The following ADCY6 variants were observed in gnomAD, a reference collection of about 807,000 sequenced individuals.
The protein encoded by ADCY6 is adenylate cyclase 6.
Under a neutral mutation model 111.6 loss-of-function variants are expected in ADCY6, and 59 were observed. The observed-to-expected ratio is 0.53, with a 90% CI of 0.43 to 0.66. The LOEUF (loss-of-function observed/expected upper bound fraction) is 0.66, where lower values mean the gene tolerates loss of function less well. Among genes scored for constraint, ADCY6 ranks in the 30% least tolerant of loss-of-function variants. The pLI is 0.00. For missense variants in ADCY6, 1,242 were observed against 1,595.6 expected (o/e 0.78, Z 3.78); for synonymous variants, 576 against 642.9 (o/e 0.90, Z 1.57).
At position 48,773,607 on chromosome 12, in the gene ADCY6, G is replaced by A; in HGVS notation, c.2483C>T (p.Ser828Phe). Residue 828 changes from serine to phenylalanine, a missense_variant, in exon 16 of 22, where the codon TCT (serine) becomes TTT (phenylalanine). Ser to Phe is a radical substitution (Grantham distance 155). This residue lies in a region of ADCY6 where 375 missense variants were observed against 432.5 expected (regional missense o/e 0.87). Transcript: ENST00000357869. Reference sequence around the variant, plus strand: ...GATGCTGCTGATGTGCAGGAAGACAGAGCTGGCCAAGAGACTCAGCAGCAT... The same window carrying A: ...GATGCTGCTGATGTGCAGGAAGACAAAGCTGGCCAAGAGACTCAGCAGCAT... ...GNMLLSLLAS[S>F]VFLHISSIGK... 6.2e-7 allele frequency: 1 copy of A among 1,614,154 alleles called. No individual in the cohort carries two copies. The highest frequency in any genetic ancestry group is 1.1e-5 in the South Asian group (1 of 91,078).
intron 2 of ADCY6, among the ~76,000 whole-genome samples, chr12:48,781,686 T>C (rs568387512): frequency 1.3e-5 from 2 of 152,326 alleles, no homozygotes; most frequent in African/African-American, 4.8e-5. Flanking sequence ...CTATTTTTAT[T>C]CCAGCTTTGC....
chr12:48,772,584 T>C (rs1565644575), intron 16 of ADCY6, 41 bp from the exon 17 acceptor site: 2 of 1,612,546 alleles, frequency 1.2e-6, no homozygotes, highest in South Asian at 1.1e-5. Context: ...CAGTGCTTCC[T>C]GGATTGCTGG....
In ADCY6 at chr12:48,774,405, G is replaced by C. The variant is rs1367696913; in HGVS notation, c.2280C>G (p.Asn760Lys). The change falls in exon 14 of 22, where the codon AAC (asparagine) becomes AAG (lysine). Residue 760 changes from asparagine to lysine, a missense_variant. By Grantham distance (94) the Asn-to-Lys change is moderately conservative. Around this residue, in one of 4 missense-constraint regions of ADCY6, gnomAD observed 375 missense variants for 432.5 expected, o/e 0.87. Transcript: ENST00000357869. ...AGAATTCCCACTGGACCCTTACCAT[G>C]TTGGCAATGGCAGAAGTAAACACAA... The part of the protein sequence containing the change: ...VLLVFTSAIA[N>K]MFTCNHTPIR... 3.1e-6 allele frequency: 5 copies of C among 1,612,146 alleles called. No individual in the cohort carries two copies. The highest frequency in any genetic ancestry group is 4.2e-6 in the Non-Finnish European group (5 of 1,178,306).
In ADCY6 at chr12:48,777,670, T is replaced by G; in HGVS notation, c.1081A>C (p.Lys361Gln). ...AMEMKEDINT[K>Q]KEDMMFHKIY... ...TTGTGGAACATCATGTCTTCTTTTT[T>G]TGTGTTGATGTCTTCTTTCATCTCC... Residue 361 changes from lysine (K) to glutamine (Q), a missense_variant, in exon 4 of 22, where the codon AAA becomes CAA. This residue lies in a region of ADCY6 where 260 missense variants were observed against 414.6 expected (regional missense o/e 0.63). Transcript: ENST00000357869. The surrounding 1 kb of genome is among the most constrained non-coding windows in gnomAD (Gnocchi z 4.9). 1 of 1,613,930 alleles carries G rather than the reference T, an allele frequency of 6.2e-7. No individual in the cohort carries two copies. Among genetic ancestry groups the G allele is most frequent in the South Asian group, 1.1e-5 (1 of 91,080 alleles).
In ADCY6 at chr12:48,777,257, G is replaced by A. The variant is rs1392337168; in HGVS notation, c.1249-26C>T. 1 of 1,606,982 alleles carries A rather than the reference G, an allele frequency of 6.2e-7. No individual in the cohort carries two copies. The highest frequency in any genetic ancestry group is 8.5e-7 in the Non-Finnish European group (1 of 1,176,634). ...CTGAATGGGAAGGAATTGGAGGGAA[G>A]GGTAACCTTTACTCTCTTGCCCACC... On this transcript the variant is annotated intron_variant, in intron 5 of 21. Coordinates refer to ENST00000357869, the MANE Select transcript of ADCY6 (RefSeq NM_015270.5). The surrounding 1 kb of genome is among the most constrained non-coding windows in gnomAD (Gnocchi z 4.9).
chr12:48,768,823 C>A, intron 21 of ADCY6, 107 bp from the exon 22 acceptor site: 1 of 1,553,568 alleles, frequency 6.4e-7, no homozygotes, highest in East Asian at 2.3e-5. Flanking sequence ...CAGTCCCTGC[C>A]CCACCATACA....
At chr12:48,779,822 A>G (rs1941797451) in intron 2 of ADCY6, among the ~76,000 whole-genome samples, 1 of 152,210 alleles carries the variant, frequency 6.6e-6, no homozygotes, top group South Asian at 2.1e-4. Context: ...AACTAGAACT[A>G]GTCCTGCAAA....
At position 48,770,893 on chromosome 12, in the gene ADCY6, C is replaced by T. The variant is rs971716335; in HGVS notation, c.3129G>A (p.Leu1043=). Reference sequence around the variant, plus strand: ...CCACCTGATCGTAGGTGCTGGCGTTCAGCCCTGAGGCAGCCATGTAGGTGC... The same window carrying T: ...CCACCTGATCGTAGGTGCTGGCGTTTAGCCCTGAGGCAGCCATGTAGGTGC... The part of the protein sequence containing the change: ...IGSTYMAASG[L]NASTYDQVGR... Residue 1043 remains leucine, a synonymous_variant, in exon 20 of 22, where the codon CTG becomes CTA. Coordinates refer to ENST00000357869, the MANE Select transcript of ADCY6 (RefSeq NM_015270.5). 1 of 1,614,142 alleles carries T rather than the reference C, an allele frequency of 6.2e-7. No individual in the cohort carries two copies. The highest frequency in any genetic ancestry group is 1.3e-5 in the African/African-American group (1 of 74,938).
At position 48,782,473 on chromosome 12, in the gene ADCY6, C is replaced by T. The variant is rs903328350; in HGVS notation, c.864+98G>A. The T allele has an allele frequency of 3.0e-5, 44 of 1,482,006 alleles. No individual in the cohort carries two copies. Among genetic ancestry groups the T allele is most frequent in the Admixed American group, 2.2e-4 (9 of 41,812 alleles). 91.8% of individuals were successfully genotyped at this position (1,482,006 alleles called of 1,614,324 possible). A position where few individuals can be genotyped will look rare whatever the true frequency, so the allele number is the denominator to read the frequency against. ...GACATCCCTGCACCCAGCTTCCACCCATGACTCACCCGCCCTTCCTCACTA... is the reference window on the plus strand; with the variant it reads ...GACATCCCTGCACCCAGCTTCCACCTATGACTCACCCGCCCTTCCTCACTA... On this transcript the variant is annotated intron_variant, in intron 2 of 21. Transcript: ENST00000357869. This position sits in a 1 kb window ranked among gnomAD's most constrained non-coding sequence, Gnocchi z 4.3.
rs1294829673 is a variant in ADCY6, at chr12:48,776,774, T to C, written c.1377-188A>G. Among the ~76,000 whole-genome samples the C allele has an allele frequency of 6.6e-6, 1 of 152,120 alleles. No homozygotes were observed. Among genetic ancestry groups the C allele is most frequent in the African/African-American group, 2.4e-5 (1 of 41,420 alleles). ...CTCAAGGACAAATGTTAAGGCTGTG[T>C]TCAACAGCAGGGGCCCAGCAGCATC... On this transcript the variant is annotated intron_variant, in intron 6 of 21. Transcript: ENST00000357869. The surrounding 1 kb of genome is among the most constrained non-coding windows in gnomAD (Gnocchi z 6.1).
rs140245629 is a variant in ADCY6 at position 48,770,948 on chromosome 12, C to G, written c.3074G>C (p.Arg1025Pro). The change falls in exon 20 of 22, where the codon CGG becomes CCG. Residue 1025 changes from arginine (R) to proline (P), a missense_variant. Around this residue, in one of 4 missense-constraint regions of ADCY6, gnomAD observed 245 missense variants for 371.3 expected, o/e 0.66. Coordinates refer to ENST00000357869, the MANE Select transcript of ADCY6 (RefSeq NM_015270.5). ...FDEIISEERF[R>P]QLEKIKTIGS... The stretch of plus-strand genomic sequence containing the variant: ...AATCGTCTTGATCTTTTCCAGCTGC[C>G]GGAACCGCTCCTCGCTGATAATCTG... 13 of 1,613,992 alleles carry G rather than the reference C, an allele frequency of 8.1e-6. No homozygotes were observed. Among genetic ancestry groups the G allele is most frequent in the Non-Finnish European group, 8.5e-7 (1 of 1,180,038 alleles).
At chr12:48,773,903 G>A (rs1941622313) in intron 15 of ADCY6, 37 bp downstream of exon 15, 2 of 1,607,160 alleles carry the variant, frequency 1.2e-6, no homozygotes, top group Admixed American at 1.7e-5. Context: ...GTCTGTGCCA[G>A]GACAGCCCCC....
At position 48,769,244 on chromosome 12, in the gene ADCY6, C is replaced by CA. The variant is rs370839871; in HGVS notation, c.3257-184dup. On this transcript the variant is annotated intron_variant, in intron 20 of 21. Coordinates refer to ENST00000357869, the MANE Select transcript of ADCY6 (RefSeq NM_015270.5). ...CCAACATGGTGAAACCCTATCTTTA[C>CA]AAAAAAAAAATACAAAAATTAGCTG... is the stretch of plus-strand genomic sequence containing the variant. Among the ~76,000 whole-genome samples the CA allele has an allele frequency of 7.0e-4, 102 of 146,462 alleles. 1 individual carries two copies. Among genetic ancestry groups the CA allele is most frequent in the African/African-American group, 2.1e-3 (83 of 40,016 alleles).
chr12:48,768,709 G>A lies in ADCY6; in HGVS notation c.3389C>T (p.Thr1130Met), dbSNP rs757906062. 11 of 1,613,982 alleles carry A rather than the reference G, an allele frequency of 6.8e-6. No homozygotes were observed. Among genetic ancestry groups the A allele is most frequent in the South Asian group, 2.2e-5 (2 of 91,072 alleles). ...GGCAGCTAGAACCTGGTACAGGTCC[G>A]TGGTCACCTGGGGGAGTGGGAGGGG... ...TGVPDRIQVT[T>M]DLYQVLAAKG... The change falls in exon 22 of 22, where the codon ACG becomes ATG. Residue 1130 changes from threonine to methionine, a missense_variant. By Grantham distance (81) the Thr-to-Met change is moderately conservative. Coordinates refer to ENST00000357869, the MANE Select transcript of ADCY6 (RefSeq NM_015270.5).
chr12:48,777,059 G>A lies in ADCY6; in HGVS notation c.1376+45C>T, dbSNP rs895567516. 5.2e-6 allele frequency: 8 copies of A among 1,543,606 alleles called. No homozygotes were observed. Among genetic ancestry groups the A allele is most frequent in the Non-Finnish European group, 7.0e-6 (8 of 1,143,926 alleles). On this transcript the variant is annotated intron_variant, in intron 6 of 21. Transcript: ENST00000357869. The surrounding 1 kb of genome is among the most constrained non-coding windows in gnomAD (Gnocchi z 4.9). ...CTCATCAAAAAGTAGGAGCAGTCTGGGGCACCCGCAATTCCAGGAAGCCTA... is the reference window on the plus strand; with the variant it reads ...CTCATCAAAAAGTAGGAGCAGTCTGAGGCACCCGCAATTCCAGGAAGCCTA...
At chr12:48,789,102 G>A (rs1942038683), upstream of ADCY6, 1 of 151,454 alleles carries the variant, frequency 6.6e-6, no homozygotes, top group Admixed American at 6.6e-5. Flanking sequence ...CCCGGATCCA[G>A]AAGTCCCCTC....
chr12:48,768,513 C>T lies in ADCY6; in HGVS notation c.*78G>A. 6.2e-7 allele frequency: 1 copy of T among 1,606,602 alleles called. No homozygotes were observed. The highest frequency in any genetic ancestry group is 8.5e-7 in the Non-Finnish European group (1 of 1,173,834). Reference sequence around the variant, plus strand: ...GGTCTGGAGGCTCAGTGCCCCCTGCCACAGCTCCACCCAGTGAGCACAGAG... The same window carrying T: ...GGTCTGGAGGCTCAGTGCCCCCTGCTACAGCTCCACCCAGTGAGCACAGAG... On this transcript the variant is annotated 3_prime_UTR_variant, in exon 22 of 22. Coordinates refer to ENST00000357869, the MANE Select transcript of ADCY6 (RefSeq NM_015270.5).
upstream of ADCY6, chr12:48,789,622 A>G (rs1284223988): frequency 1.7e-5 from 2 of 114,646 alleles, no homozygotes; most frequent in Non-Finnish European, 3.4e-5. Context: ...CCTGCCTGTC[A>G]CGGCCCTGCG....
chr12:48,782,943 C>G lies in ADCY6; in HGVS notation c.492G>C (p.Ala164=), dbSNP rs772140547. The G allele has an allele frequency of 1.9e-6, 3 of 1,613,414 alleles. No individual in the cohort carries two copies. Among genetic ancestry groups the G allele is most frequent in the East Asian group, 4.5e-5 (2 of 44,880 alleles). Residue 164 remains alanine (A), a synonymous_variant, in exon 2 of 22, where the codon GCG becomes GCC. Transcript: ENST00000357869. The surrounding 1 kb of genome is among the most constrained non-coding windows in gnomAD (Gnocchi z 4.3). ...GTGCGGCGTGGAAAGCCAGCAGCAC[C>G]GCTGTGAGCAGCACCAGCACCGCCA... ...LLMAVLVLLT[A]VLLAFHAAPA...
Sources: allele counts gnomAD v4.1 joint callset (sites outside exome capture counted in the v4.1 genomes callset), GRCh38; gene constraint gnomAD v4.1.1; regional missense constraint gnomAD v4.1.1; non-coding constraint Gnocchi (gnomAD v3.1); transcripts MANE v1.5; gene names NCBI Gene and HGNC (gene_info 2026-07-23, HGNC 2026-07-21).